Variants in BAHCC1 observed in about 807,000 individuals in gnomAD.
BAHCC1 encodes the protein BAH domain and coiled-coil containing 1.
A neutral mutation model predicts 88.2 loss-of-function variants in BAHCC1; 43 were observed. That is an observed-to-expected ratio of 0.49 (90% CI 0.38 to 0.63). BAHCC1 has a LOEUF of 0.63. Among genes scored for constraint, BAHCC1 ranks in the 20% least tolerant of loss-of-function variants. The pLI is 0.00. For synonymous variants in BAHCC1, 1,510 were observed against 745.5 expected, an observed-to-expected ratio of 2.03 and a Z score of -16.71; for missense variants, 3,023 against 1,654.8, an observed-to-expected ratio of 1.83 and a Z score of -14.34.
chr17:81,399,941 GCGGGACGGGAGCGTT>G lies in BAHCC1; in HGVS notation c.178+27_178+41del. 1 of 1,336,844 alleles carries G rather than the reference GCGGGACGGGAGCGTT, an allele frequency of 7.5e-7. No individual in the cohort carries two copies. The highest frequency in any genetic ancestry group is 9.6e-7 in the Non-Finnish European group (1 of 1,041,370). The allele number at this position is 1,336,844 out of a possible 1,614,324, so 82.8% of individuals were successfully genotyped here. On this transcript the variant is annotated intron_variant, in intron 2 of 27. Transcript: ENST00000675386. This position sits in a 1 kb window ranked among gnomAD's most constrained non-coding sequence, Gnocchi z 4.5. ...AGGTCAGTGCTCGGCCGGGGCGGGC[GCGGGACGGGAGCGTT>G]CGAGAGCGGAACAGGGCGCCCACCC...
chr17:81,398,971 T>C (rs2063774985), intron 1 of BAHCC1, among the ~76,000 whole-genome samples: 1 of 151,314 alleles, frequency 6.6e-6, no homozygotes, highest in Non-Finnish European at 1.5e-5. Context: ...ATCAATAAAA[T>C]TACTCGCTTA....
In BAHCC1 at chr17:81,461,678, T is replaced by C. The variant is rs782179427; in HGVS notation, c.7015T>C (p.Ser2339Pro). Residue 2339 changes from serine (S) to proline (P), a missense_variant, in exon 26 of 28, where the codon TCC (serine) becomes CCC (proline). Physicochemically the swap from Ser to Pro is moderately conservative, Grantham distance 74 (BLOSUM62 -1). Coordinates refer to ENST00000675386, the MANE Select transcript of BAHCC1 (RefSeq NM_001377448.1). ...CTCCGTGTCCACCTCCAGCCTCTGCTCCTCCGACAACGAGGACTCGTCCTA... is the reference window on the plus strand; with the variant it reads ...CTCCGTGTCCACCTCCAGCCTCTGCCCCTCCGACAACGAGGACTCGTCCTA... The part of the protein sequence containing the change: ...SGSVSTSSLC[S>P]SDNEDSSYSS... The C allele has an allele frequency of 1.4e-6, 1 of 724,458 alleles. No individual in the cohort carries two copies. The highest frequency in any genetic ancestry group is 2.6e-6 in the Non-Finnish European group (1 of 388,856). The allele number at this position is 724,458 out of a possible 1,614,324, so 44.9% of individuals were successfully genotyped here.
chr17:81,412,226 G>A, intron 2 of BAHCC1, among the ~76,000 whole-genome samples: 1 of 152,212 alleles, frequency 6.6e-6, no homozygotes, highest in East Asian at 1.9e-4. Context: ...GTCGCCTTGT[G>A]GGCAGTTTTC....
rs368215985 is a variant in BAHCC1 at position 81,460,726 on chromosome 17, A to G, written c.6202+20A>G. 4 of 775,934 alleles carry G rather than the reference A, an allele frequency of 5.2e-6. No individual in the cohort carries two copies. The African/African-American group carries it at 6.8e-5, about 13-fold the overall frequency. The allele number at this position is 775,934 out of a possible 1,614,324, so 48.1% of individuals were successfully genotyped here. On this transcript the variant is annotated intron_variant, in intron 25 of 27. Coordinates refer to ENST00000675386, the MANE Select transcript of BAHCC1 (RefSeq NM_001377448.1). Reference sequence around the variant, plus strand: ...AAGCTGGTATTTTACCGGACTTCCCAGAATCCGGATCGGGGAAGGCACCCT... The same window carrying G: ...AAGCTGGTATTTTACCGGACTTCCCGGAATCCGGATCGGGGAAGGCACCCT...
In BAHCC1 at chr17:81,439,357, C is replaced by T. The variant is rs1214133994; in HGVS notation, c.481+865C>T. ...TGTGGGGCCCCACAGGGGCCGGCATCGGTGATATCTAGGAGGGAGATTGGG... is the reference window on the plus strand; with the variant it reads ...TGTGGGGCCCCACAGGGGCCGGCATTGGTGATATCTAGGAGGGAGATTGGG... On this transcript the variant is annotated intron_variant, in intron 4 of 27. Transcript: ENST00000675386. Among the ~76,000 whole-genome samples the T allele has an allele frequency of 2.0e-5, 3 of 151,706 alleles. No individual in the cohort carries two copies. The East Asian group carries it at 5.8e-4, about 30-fold the overall frequency.
At chr17:81,405,973 A>T (rs1482033317) in intron 2 of BAHCC1, among the ~76,000 whole-genome samples, 1 of 152,238 alleles carries the variant, frequency 6.6e-6, no homozygotes, top group African/African-American at 2.4e-5. Flanking sequence ...GAAGCGATAC[A>T]GGGACTCCTC....
At chr17:81,433,240 G>A (rs1355693587) in intron 3 of BAHCC1, among the ~76,000 whole-genome samples, 1 of 152,110 alleles carries the variant, frequency 6.6e-6, no homozygotes, top group East Asian at 1.9e-4. Flanking sequence ...CATGTCCCGG[G>A]AGCTGCACTT....
At chr17:81,408,459 C>T (rs993996982) in intron 2 of BAHCC1, among the ~76,000 whole-genome samples, 13 of 151,914 alleles carry the variant, frequency 8.6e-5, no homozygotes, top group East Asian at 3.9e-4. Context: ...CTCTGCCCAC[C>T]GTGCCCTGCC....
chr17:81,417,377 A>G (rs1418674166), intron 2 of BAHCC1, among the ~76,000 whole-genome samples: 1 of 151,874 alleles, frequency 6.6e-6, no homozygotes, highest in Non-Finnish European at 1.5e-5. Flanking sequence ...GGTCCTGGCC[A>G]CCCGCCTGCC....
At chr17:81,412,968 C>A (rs1406435378) in intron 2 of BAHCC1, 2 of 277,610 alleles carry the variant, frequency 7.2e-6, no homozygotes, top group African/African-American at 2.3e-5. Context: ...AGGACGGAAG[C>A]TCGGTGCGGG....
At chr17:81,423,187 A>G (rs1021018883) in intron 2 of BAHCC1, among the ~76,000 whole-genome samples, 2 of 129,880 alleles carry the variant, frequency 1.5e-5, no homozygotes, top group Non-Finnish European at 3.3e-5. Context: ...CACGTCCCCC[A>G]CCAGCACTCA....
In BAHCC1 at chr17:81,399,935, G is replaced by T; in HGVS notation, c.178+18G>T. The T allele has an allele frequency of 7.4e-7, 1 of 1,346,168 alleles. No individual in the cohort carries two copies. 83.4% of individuals were successfully genotyped at this position (1,346,168 alleles called of 1,614,324 possible). A position where few individuals can be genotyped will look rare whatever the true frequency, so the allele number is the denominator to read the frequency against. On this transcript the variant is annotated intron_variant, in intron 2 of 27. Coordinates refer to ENST00000675386, the MANE Select transcript of BAHCC1 (RefSeq NM_001377448.1). The surrounding 1 kb of genome is among the most constrained non-coding windows in gnomAD (Gnocchi z 4.5). ...GCACACAGGTCAGTGCTCGGCCGGG[G>T]CGGGCGCGGGACGGGAGCGTTCGAG...
intron 2 of BAHCC1, among the ~76,000 whole-genome samples, chr17:81,405,875 C>T (rs952712277): frequency 6.6e-5 from 10 of 152,202 alleles, no homozygotes; most frequent in Non-Finnish European, 1.3e-4. Context: ...CGGAGAGTCT[C>T]CCCCAACCCC....
chr17:81,437,433 G>C (rs1447824020), intron 3 of BAHCC1, among the ~76,000 whole-genome samples: 3 of 152,350 alleles, frequency 2.0e-5, no homozygotes, highest in African/African-American at 7.2e-5. Flanking sequence ...CTTGTGGCTG[G>C]TGTCCCTGGT....
intron 11 of BAHCC1, among the ~76,000 whole-genome samples, chr17:81,450,129 G>A (rs1555655480): frequency 6.6e-6 from 1 of 152,192 alleles, no homozygotes; most frequent in Non-Finnish European, 1.5e-5. Flanking sequence ...GCTCGTTGCT[G>A]TGAGGTTATC....
rs1201098993 is a variant in BAHCC1 at position 81,464,224 on chromosome 17, C to G, written c.*407C>G. 7.8e-6 allele frequency: 2 copies of G among 257,822 alleles called. No homozygotes were observed. Among genetic ancestry groups the G allele is most frequent in the African/African-American group, 4.4e-5 (2 of 45,594 alleles). 16.0% of individuals were successfully genotyped at this position (257,822 alleles called of 1,614,324 possible). A position where few individuals can be genotyped will look rare whatever the true frequency, so the allele number is the denominator to read the frequency against. On this transcript the variant is annotated 3_prime_UTR_variant, in exon 28 of 28. Coordinates refer to ENST00000675386, the MANE Select transcript of BAHCC1 (RefSeq NM_001377448.1). ...TCTCTATGTAAATATTGTATTTCTG[C>G]GGGGAAATTTTATGGTAAAAAGTGG...
chr17:81,397,232 T>C (rs1555645046), intron 1 of BAHCC1: 2 of 151,894 alleles, frequency 1.3e-5, no homozygotes, highest in African/African-American at 4.8e-5. Context: ...ATCCACCTCC[T>C]GTTTGCTTAA....
intron 10 of BAHCC1, chr17:81,446,767 G>A (rs1555654473): frequency 1.6e-6 from 1 of 636,924 alleles, no homozygotes; most frequent in Non-Finnish European, 2.9e-6. Context: ...TGCCCACGCT[G>A]GTCTCGAATT....
At chr17:81,404,867 G>A (rs950410009) in intron 2 of BAHCC1, among the ~76,000 whole-genome samples, 6 of 152,218 alleles carry the variant, frequency 3.9e-5, no homozygotes, top group South Asian at 2.1e-4. Flanking sequence ...GGCAGGGACC[G>A]GAGAACAGTC....
Sources: allele counts gnomAD v4.1 joint callset (sites outside exome capture counted in the v4.1 genomes callset), GRCh38; gene constraint gnomAD v4.1.1; non-coding constraint Gnocchi (gnomAD v3.1); transcripts MANE v1.5; gene names NCBI Gene and HGNC (gene_info 2026-07-23, HGNC 2026-07-21).